The following NCAPD2 variants were observed in gnomAD, a reference collection of about 807,000 sequenced individuals.
NCAPD2 encodes non-SMC condensin I complex subunit D2.
Under a neutral mutation model 164.5 loss-of-function variants are expected in NCAPD2, and 100 were observed. That is an observed-to-expected ratio of 0.61 (90% CI 0.52 to 0.72). NCAPD2 has a LOEUF of 0.72. Ranked by LOEUF, NCAPD2 falls within the 30% of genes least tolerant of loss-of-function variation. The probability of loss-of-function intolerance (pLI) is 0.00; values close to 1 mark genes in which losing one functional copy is unlikely to be tolerated. For missense variants in NCAPD2, 1,560 were observed against 1,749.2 expected, an observed-to-expected ratio of 0.89 and a Z score of 1.93; for synonymous variants, 585 against 642.6, an observed-to-expected ratio of 0.91 and a Z score of 1.36.
Position 6,529,552 on chromosome 12 carries a change from G to T in NCAPD2, c.3612G>T (p.Glu1204Asp), listed in dbSNP as rs1244672459. 6.2e-7 allele frequency: 1 copy of T among 1,613,980 alleles called. No homozygotes were observed. Among genetic ancestry groups the T allele is most frequent in the Admixed American group, 1.7e-5 (1 of 60,006 alleles). The stretch of plus-strand genomic sequence containing the variant: ...ACATCACCAAGGACAAGCAGACAGA[G>T]AGCCTGGTGGAAAAGCTGTGTCAGC... ...LSYITKDKQTESLVEKLCQRF... is the reference protein window; with the variant it reads ...LSYITKDKQTDSLVEKLCQRF... Residue 1204 changes from glutamate to aspartate, a missense_variant, in exon 28 of 32, where the codon GAG (glutamate) becomes GAT (aspartate). Coordinates refer to ENST00000315579, the MANE Select transcript of NCAPD2 (RefSeq NM_014865.4).
chr12:6,526,761 C>T, intron 21 of NCAPD2, 130 bp from the exon 22 acceptor site: 1 of 1,409,240 alleles, frequency 7.1e-7, no homozygotes, highest in Non-Finnish European at 9.7e-7. Context: ...CCAGTTCCCA[C>T]CCCCAACTCT....
At chr12:6,525,797 G>A in intron 18 of NCAPD2, 81 bp downstream of exon 18, 3 of 1,554,648 alleles carry the variant, frequency 1.9e-6, no homozygotes, top group Non-Finnish European at 2.6e-6. Flanking sequence ...CAGTGACATT[G>A]TCACAGTGAG....
chr12:6,530,109 C>T (rs1160513118), intron 29 of NCAPD2, 151 bp downstream of exon 29: 5 of 730,412 alleles, frequency 6.8e-6, no homozygotes, highest in African/African-American at 1.8e-5. Flanking sequence ...GACCTAAGAC[C>T]AGATCTTTGT....
intron 29 of NCAPD2, among the ~76,000 whole-genome samples, chr12:6,530,394 T>C (rs1171916038): frequency 6.6e-6 from 1 of 152,206 alleles, no homozygotes; most frequent in Non-Finnish European, 1.5e-5. Flanking sequence ...TGGAGTTCAC[T>C]GCACGTAATG....
chr12:6,526,525 C>T lies in NCAPD2; in HGVS notation c.2644C>T (p.Pro882Ser), dbSNP rs761924426. The T allele has an allele frequency of 6.2e-7, 1 of 1,613,966 alleles. No homozygotes were observed. The highest frequency in any genetic ancestry group is 1.3e-5 in the African/African-American group (1 of 74,864). ...VTLIYQLAEGPEVICAQILQG... is the reference protein window; with the variant it reads ...VTLIYQLAEGSEVICAQILQG... ...CCTCATTTACCAACTGGCAGAGGGC[C>T]CCGAAGTGATCTGTGCCCAGATATT... The change falls in exon 21 of 32, where the codon CCC (proline) becomes TCC (serine). Residue 882 changes from proline to serine, a missense_variant. Coordinates refer to ENST00000315579, the MANE Select transcript of NCAPD2 (RefSeq NM_014865.4).
intron 22 of NCAPD2, 105 bp from the exon 23 acceptor site, chr12:6,527,672 T>G: frequency 1.1e-6 from 1 of 937,748 alleles, no homozygotes; most frequent in Non-Finnish European, 1.7e-6. Flanking sequence ...TAAATGTTTT[T>G]GTAGAATTTG....
chr12:6,505,967 G>A (rs1420218941), intron 2 of NCAPD2, among the ~76,000 whole-genome samples: 1 of 151,794 alleles, frequency 6.6e-6, no homozygotes, highest in African/African-American at 2.4e-5. Context: ...AGGTTTTTTG[G>A]TGTTTTTTTT....
rs555328861 is a variant in NCAPD2, at chr12:6,526,079, A to T, written c.2360A>T (p.Glu787Val). 3.9e-5 allele frequency: 63 copies of T among 1,613,878 alleles called. No individual in the cohort carries two copies. Among genetic ancestry groups the T allele is most frequent in the Non-Finnish European group, 5.0e-5 (59 of 1,180,036 alleles). Residue 787 changes from glutamate (E) to valine (V), a missense_variant, in exon 19 of 32, where the codon GAA (glutamate) becomes GTA (valine). Transcript: ENST00000315579. ...LLGMMARGKP[E>V]IVGSNLDTLV... ...CTTCCTTCCCCTAGAGGAAAGCCAG[A>T]AATTGTGGGAAGCAATTTAGACACA...
At chr12:6,521,546 G>A (rs1946263614) in intron 14 of NCAPD2, among the ~76,000 whole-genome samples, 1 of 148,318 alleles carries the variant, frequency 6.7e-6, no homozygotes, top group Non-Finnish European at 1.5e-5. Context: ...AAATTAGCCA[G>A]GTGCGGTGGC....
At chr12:6,505,828 A>G (rs1946094336) in intron 2 of NCAPD2, among the ~76,000 whole-genome samples, 2 of 101,448 alleles carry the variant, frequency 2.0e-5, no homozygotes, top group East Asian at 2.5e-4. Flanking sequence ...TTGTGTCACT[A>G]CACTCTAGCC....
Position 6,521,978 on chromosome 12 carries a change from G to A in NCAPD2, c.1895G>A (p.Arg632Gln), listed in dbSNP as rs745698478. 3.0e-5 allele frequency: 48 copies of A among 1,614,028 alleles called. No individual in the cohort carries two copies. Among genetic ancestry groups the A allele is most frequent in the Non-Finnish European group, 3.7e-5 (44 of 1,180,028 alleles). Residue 632 changes from arginine to glutamine, a missense_variant, in exon 15 of 32, where the codon CGG (arginine) becomes CAG (glutamine). Coordinates refer to ENST00000315579, the MANE Select transcript of NCAPD2 (RefSeq NM_014865.4). Reference protein sequence around the residue: ...QYLQDAYSFSRKITEAIGIIS... With the variant: ...QYLQDAYSFSQKITEAIGIIS... ...CTGCAGGATGCCTACAGCTTCTCCC[G>A]GAAGATTACAGAGGCCATTGGCATC...
At chr12:6,502,755 A>G (rs1946049684) in intron 2 of NCAPD2, among the ~76,000 whole-genome samples, 1 of 152,102 alleles carries the variant, frequency 6.6e-6, no homozygotes, top group Non-Finnish European at 1.5e-5. Flanking sequence ...TTGAGGCTGC[A>G]GTAAGCTATG....
Position 6,527,897 on chromosome 12 carries a change from A to T in NCAPD2, c.3019+9A>T. On this transcript the variant is annotated intron_variant, in intron 23 of 31. Coordinates refer to ENST00000315579, the MANE Select transcript of NCAPD2 (RefSeq NM_014865.4). ...GATGGAACTGTTGGATGGTAAGAAA[A>T]ATGGCTGCACTCAGCAGTTTCTTCC... is the stretch of plus-strand genomic sequence containing the variant. 1 of 1,613,644 alleles carries T rather than the reference A, an allele frequency of 6.2e-7. No homozygotes were observed. The highest frequency in any genetic ancestry group is 1.3e-5 in the African/African-American group (1 of 75,042).
Position 6,502,716 on chromosome 12 carries a change from G to A in NCAPD2, c.128-7001G>A, listed in dbSNP as rs115156998. ...GTAGTCCCAGCTACTCAGAAGGCTG[G>A]GGCAGGAGGATCGCTTGAACCCAGA... On this transcript the variant is annotated intron_variant, in intron 2 of 31. Transcript: ENST00000315579. Among the ~76,000 whole-genome samples the A allele has an allele frequency of 2.5e-3, 383 of 152,058 alleles. 1 individual carries two copies. Among genetic ancestry groups the A allele is most frequent in the African/African-American group, 9.2e-3 (380 of 41,512 alleles).
rs1946102364 is a variant in NCAPD2, at chr12:6,506,642, C to G, written c.128-3075C>G. Among the ~76,000 whole-genome samples, 4 of 150,834 alleles carry G rather than the reference C, an allele frequency of 2.7e-5. No homozygotes were observed. In the South Asian group the frequency reaches 8.4e-4, roughly 32 times the overall value. ...TTATGGTAGTAAATGATAAAATAGA[C>G]TAGGATCTACATAAATTTTATGCGT... is the stretch of plus-strand genomic sequence containing the variant. On this transcript the variant is annotated intron_variant, in intron 2 of 31. Transcript: ENST00000315579.
At chr12:6,527,340 G>A (rs975699644) in intron 22 of NCAPD2, among the ~76,000 whole-genome samples, 9 of 152,220 alleles carry the variant, frequency 5.9e-5, no homozygotes, top group African/African-American at 1.9e-4. Context: ...GTTAGAACAC[G>A]CACGTACCCG....
intron 2 of NCAPD2, among the ~76,000 whole-genome samples, chr12:6,504,925 C>G (rs1946085408): frequency 6.6e-6 from 1 of 152,102 alleles, no homozygotes; most frequent in Non-Finnish European, 1.5e-5. Flanking sequence ...TGTCATGACT[C>G]TTTTCTGCTT....
At chr12:6,498,652 G>A (rs745521514) in intron 2 of NCAPD2, among the ~76,000 whole-genome samples, 3 of 151,940 alleles carry the variant, frequency 2.0e-5, no homozygotes, top group Admixed American at 6.6e-5. Flanking sequence ...TCTGTCACCG[G>A]GCTGGAGTGC....
At chr12:6,520,220 T>G (rs1031004118) in intron 13 of NCAPD2, among the ~76,000 whole-genome samples, 6 of 151,384 alleles carry the variant, frequency 4.0e-5, no homozygotes, top group Non-Finnish European at 8.8e-5. Context: ...ACATATATAT[T>G]TATACATAAA....
Sources: gnomAD v4.1 joint callset for allele counts (sites outside exome capture counted in the v4.1 genomes callset) on GRCh38, gnomAD v4.1.1 for gene constraint, MANE v1.5 for transcripts, NCBI Gene and HGNC (gene_info 2026-07-23, HGNC 2026-07-21) for gene names.